The following NRG1 variants were observed in gnomAD, a reference collection of about 807,000 sequenced individuals.
The protein encoded by NRG1 is neuregulin 1.
NRG1 carries 18 observed loss-of-function variants against 63.8 expected under a neutral mutation model. The observed-to-expected ratio is 0.28, with a 90% CI of 0.19 to 0.42. NRG1 has a LOEUF of 0.42. NRG1 is among the 10% of genes least tolerant of loss of function. The pLI, the probability that NRG1 is intolerant of heterozygous loss-of-function variation, is 1.00. For synonymous variants in NRG1, 302 were observed against 301.3 expected (o/e 1.00, Z -0.02); for missense variants, 762 against 814.7 (o/e 0.94, Z 0.79).
At chr8:32,114,638 A>C (rs186416243) in intron 1 of NRG1, among the ~76,000 whole-genome samples, 9 of 152,306 alleles carry the variant, frequency 5.9e-5, no homozygotes, top group Middle Eastern at 6.8e-3. Context: ...GCTACTTCTT[A>C]TCTATTTCAT....
chr8:32,253,192 T>C (rs1287337086), intron 1 of NRG1, among the ~76,000 whole-genome samples: 1 of 152,226 alleles, frequency 6.6e-6, no homozygotes, highest in Non-Finnish European at 1.5e-5. Context: ...TTTATTTCTT[T>C]CTCTTGCCTG....
intron 1 of NRG1, among the ~76,000 whole-genome samples, chr8:32,480,957 C>T (rs1825190973): frequency 6.6e-6 from 1 of 152,146 alleles, no homozygotes; most frequent in Admixed American, 6.5e-5. Context: ...GATTTAAAAC[C>T]ATGTCAGTAT....
chr8:31,804,479 T>A (rs895552519), intron 1 of NRG1, among the ~76,000 whole-genome samples: 2 of 152,164 alleles, frequency 1.3e-5, no homozygotes, highest in Non-Finnish European at 2.9e-5. Context: ...CCTGCTCCTC[T>A]GGCCAGGACC....
chr8:32,366,711 A>ATATATATATATC (rs1407313192), intron 1 of NRG1, among the ~76,000 whole-genome samples: 1 of 81,742 alleles, frequency 1.2e-5, no homozygotes. Flanking sequence ...ATATATATAT[A>ATATATATATATC]TATCTCACTT....
chr8:31,973,118 A>G (rs10105258), intron 1 of NRG1, among the ~76,000 whole-genome samples: 3,573 of 152,212 alleles, frequency 0.023, 149 homozygotes, highest in African/African-American at 0.082. Flanking sequence ...TAGAAAAACT[A>G]TGTCAATAAT....
intron 5 of NRG1, among the ~76,000 whole-genome samples, chr8:32,699,804 A>G (rs142187096): frequency 6.6e-6 from 1 of 152,196 alleles, no homozygotes; most frequent in Non-Finnish European, 1.5e-5. Context: ...ATATTGAGCA[A>G]TGTAGAGGTC....
intron 1 of NRG1, among the ~76,000 whole-genome samples, chr8:32,552,210 C>CTTTTT (rs35243877): frequency 8.0e-6 from 1 of 124,766 alleles, no homozygotes; most frequent in African/African-American, 3.1e-5. Flanking sequence ...CGCTTGGCCG[C>CTTTTT]TTTTTTTTTT....
At chr8:32,115,753 T>C (rs1253235776) in intron 1 of NRG1, among the ~76,000 whole-genome samples, 6 of 152,162 alleles carry the variant, frequency 3.9e-5, no homozygotes. Context: ...GATACTACTA[T>C]TGTCCTCATT....
chr8:32,468,114 T>C (rs10103022), intron 1 of NRG1, among the ~76,000 whole-genome samples: 77,808 of 152,020 alleles, frequency 0.51, 20,539 homozygotes, highest in African/African-American at 0.56. Context: ...TTTTATTGAC[T>C]TGTCAGGAGC....
intron 1 of NRG1, among the ~76,000 whole-genome samples, chr8:32,583,501 T>G (rs955225539): frequency 5.9e-5 from 9 of 152,214 alleles, no homozygotes; most frequent in African/African-American, 1.2e-4. Context: ...ACAAAGAATC[T>G]AATTAACCTT....
intron 1 of NRG1, among the ~76,000 whole-genome samples, chr8:31,986,441 A>C (rs1810080763): frequency 1.3e-5 from 2 of 152,172 alleles, no homozygotes; most frequent in East Asian, 1.9e-4. Flanking sequence ...GATCTCAAAA[A>C]ACTTGCTCTA....
At chr8:31,667,428 T>G (rs1003566829) in intron 1 of NRG1, among the ~76,000 whole-genome samples, 4 of 152,192 alleles carry the variant, frequency 2.6e-5, no homozygotes, top group African/African-American at 9.6e-5. Flanking sequence ...CCCCTGCTCC[T>G]CAGTGGTTGC....
intron 2 of NRG1, among the ~76,000 whole-genome samples, chr8:32,601,732 A>G (rs950833914): frequency 1.3e-5 from 2 of 151,656 alleles, no homozygotes; most frequent in African/African-American, 4.8e-5. Context: ...ATGTTTTTTT[A>G]TCATCAAATA....
chr8:31,765,982 T>C (rs1381777566), intron 1 of NRG1, among the ~76,000 whole-genome samples: 1 of 152,178 alleles, frequency 6.6e-6, no homozygotes, highest in African/African-American at 2.4e-5. Flanking sequence ...CCCCAGATTT[T>C]TATAGTCTTC....
intron 5 of NRG1, among the ~76,000 whole-genome samples, chr8:32,713,675 A>G (rs1818381556): frequency 1.3e-5 from 2 of 148,174 alleles, no homozygotes; most frequent in Middle Eastern, 3.5e-3. Flanking sequence ...GGGTTTGCCC[A>G]TGCCTAGTTC....
intron 1 of NRG1, among the ~76,000 whole-genome samples, chr8:32,587,712 C>G (rs753500979): frequency 6.6e-6 from 1 of 152,108 alleles, no homozygotes; most frequent in Non-Finnish European, 1.5e-5. Flanking sequence ...AGCCTGAGAT[C>G]CTGTATATCT....
At chr8:32,763,920 G>A (rs377596065) in exon 12 of NRG1, 101 of 1,613,940 alleles carry the variant, frequency 6.3e-5, no homozygotes, top group East Asian at 5.8e-4. Context: ...TCTACTTCTC[G>A]TGACACCACC....
chr8:31,667,149 T>G (rs1478941800), intron 1 of NRG1, among the ~76,000 whole-genome samples: 3 of 152,176 alleles, frequency 2.0e-5, no homozygotes. Context: ...TGATTGTTAT[T>G]CTTAATTCCC....
chr8:31,927,102 A>G (rs1324457367), intron 1 of NRG1, among the ~76,000 whole-genome samples: 1 of 152,152 alleles, frequency 6.6e-6, no homozygotes, highest in East Asian at 1.9e-4. Context: ...TTTATTCCAT[A>G]TTAGCTCTAT....
Sources: allele counts gnomAD v4.1 joint callset (sites outside exome capture counted in the v4.1 genomes callset), GRCh38; gene constraint gnomAD v4.1.1; transcripts MANE v1.5; gene names NCBI Gene and HGNC (gene_info 2026-07-23, HGNC 2026-07-21).